Variants in ASTN2 observed in about 807,000 individuals in gnomAD.
The protein encoded by ASTN2 is astrotactin-2.
Under a neutral mutation model 139.8 loss-of-function variants are expected in ASTN2, and 54 were observed. That is an observed-to-expected ratio of 0.39 (90% CI 0.31 to 0.48). The LOEUF is 0.48. ASTN2 is among the 20% of genes least tolerant of loss of function. The pLI is 0.95. For missense variants in ASTN2, 1,565 were observed against 1,725.1 expected (o/e 0.91, Z 1.64); for synonymous variants, 756 against 719.5 (o/e 1.05, Z -0.81).
chr9:116,787,772 C>T (rs10817934), intron 13 of ASTN2, among the ~76,000 whole-genome samples: 34,005 of 152,038 alleles, frequency 0.22, 4,544 homozygotes, highest in Middle Eastern at 0.37. Context: ...TGTCTGTATG[C>T]TGAATGGGCT....
chr9:116,439,508 A>C lies in ASTN2; in HGVS notation c.3782+1101T>G, dbSNP rs189696743. Among the ~76,000 whole-genome samples the C allele has an allele frequency of 1.7e-3, 255 of 152,230 alleles. 12 individuals carry two copies. Among genetic ancestry groups the C allele is most frequent in the African/African-American group, 5.3e-3 (221 of 41,512 alleles). ...AGCCACCGCGCCCGGCCTCAAATACATTTTTAATAAGAAGTGAATATAAGA... is the reference window on the plus strand; with the variant it reads ...AGCCACCGCGCCCGGCCTCAAATACCTTTTTAATAAGAAGTGAATATAAGA... On this transcript the variant is annotated intron_variant, in intron 22 of 22. Transcript: ENST00000313400.
chr9:116,652,665 G>A (rs536199293), intron 16 of ASTN2, among the ~76,000 whole-genome samples: 150 of 152,208 alleles, frequency 9.9e-4, no homozygotes, highest in African/African-American at 3.5e-3. Flanking sequence ...TCTGAGAAAT[G>A]GGGTTAATAA....
intron 1 of ASTN2, among the ~76,000 whole-genome samples, chr9:117,379,506 CT>C (rs1258216292): frequency 2.0e-5 from 3 of 152,172 alleles, no homozygotes; most frequent in African/African-American, 7.2e-5. Flanking sequence ...ACCCTTAATC[CT>C]TCCAGTTAAG....
chr9:116,509,095 G>A (rs887984856), intron 19 of ASTN2, among the ~76,000 whole-genome samples: 21 of 152,052 alleles, frequency 1.4e-4, no homozygotes, highest in Non-Finnish European at 2.9e-4. Flanking sequence ...TGCCATGTTG[G>A]TGTGCTGCAC....
intron 16 of ASTN2, among the ~76,000 whole-genome samples, chr9:116,667,398 A>T (rs181487617): frequency 6.2e-4 from 94 of 152,354 alleles, no homozygotes; most frequent in African/African-American, 2.2e-3. Context: ...TGGGATATTT[A>T]CAGAAGGAAT....
rs972581851 is a variant in ASTN2 at position 116,668,723 on chromosome 9, T to C, written c.2807-16930A>G. Reference sequence around the variant, plus strand: ...TGTGTGGATATATGTTTTCAACTCCTTTGGACAAATACCAAGGAGCACAAT... The same window carrying C: ...TGTGTGGATATATGTTTTCAACTCCCTTGGACAAATACCAAGGAGCACAAT... On this transcript the variant is annotated intron_variant, in intron 16 of 22. Coordinates refer to ENST00000313400, the MANE Select transcript of ASTN2 (RefSeq NM_001365068.1). 3.3e-5 allele frequency among the ~76,000 whole-genome samples: 5 copies of C among 152,264 alleles called. 1 individual carries two copies. The highest frequency in any genetic ancestry group is 1.3e-4 in the Admixed American group (2 of 15,288).
Position 116,753,789 on chromosome 9 carries a change from CT to C in ASTN2, c.2397-20267del, listed in dbSNP as rs1295061529. Among the ~76,000 whole-genome samples the C allele has an allele frequency of 5.3e-4, 76 of 142,752 alleles. 3 individuals carry two copies. The highest frequency in any genetic ancestry group is 3.5e-3 in the Middle Eastern group (1 of 288). The allele number at this position is 142,752 out of a possible 152,430, so 93.7% of individuals were successfully genotyped here. Reference sequence around the variant, plus strand: ...CATCTCTAGGCAATCTGATGTCCACCTTTTTTTTTTATTATTATACTTTAAG... The same window carrying C: ...CATCTCTAGGCAATCTGATGTCCACCTTTTTTTTTATTATTATACTTTAAG... On this transcript the variant is annotated intron_variant, in intron 13 of 22. Coordinates refer to ENST00000313400, the MANE Select transcript of ASTN2 (RefSeq NM_001365068.1).
chr9:116,910,597 G>A (rs1834284171), intron 10 of ASTN2, among the ~76,000 whole-genome samples: 1 of 152,176 alleles, frequency 6.6e-6, no homozygotes, highest in Non-Finnish European at 1.5e-5. Flanking sequence ...GGAAGTGGAG[G>A]ATCCTGAAGC....
At chr9:117,382,807 A>C (rs1326116157) in intron 1 of ASTN2, among the ~76,000 whole-genome samples, 1 of 152,176 alleles carries the variant, frequency 6.6e-6, no homozygotes, top group East Asian at 1.9e-4. Flanking sequence ...CTGCTGTACG[A>C]GTTCAAAGGA....
rs1243406468 is a variant in ASTN2, at chr9:116,726,550, A to T, written c.2627-600T>A. 2.5e-4 allele frequency among the ~76,000 whole-genome samples: 38 copies of T among 152,198 alleles called. 1 individual carries two copies. The highest frequency in any genetic ancestry group is 1.5e-5 in the Non-Finnish European group (1 of 68,028). On this transcript the variant is annotated intron_variant, in intron 15 of 22. Coordinates refer to ENST00000313400, the MANE Select transcript of ASTN2 (RefSeq NM_001365068.1). The stretch of plus-strand genomic sequence containing the variant: ...TGGAATCCTAAGGCTGCATTTGCCC[A>T]GAGTCAGCATGTATTCTGAGTCCAT...
chr9:117,131,172 A>G (rs1829818759), intron 4 of ASTN2, among the ~76,000 whole-genome samples: 6 of 152,212 alleles, frequency 3.9e-5, no homozygotes, highest in Admixed American at 3.9e-4. Context: ...AGCCTGCCCA[A>G]CACACTGAAT....
chr9:117,232,672 G>A (rs905525345), intron 2 of ASTN2, among the ~76,000 whole-genome samples: 24 of 151,980 alleles, frequency 1.6e-4, no homozygotes, highest in Admixed American at 1.5e-3. Context: ...GAAAATATGG[G>A]GCTTCCACAA....
intron 13 of ASTN2, among the ~76,000 whole-genome samples, chr9:116,767,099 C>T (rs561225423): frequency 6.6e-6 from 1 of 152,246 alleles, no homozygotes; most frequent in East Asian, 1.9e-4. Flanking sequence ...TTCATGCTCA[C>T]ATACAGTTAT....
intron 16 of ASTN2, among the ~76,000 whole-genome samples, chr9:116,653,240 A>G (rs893225827): frequency 6.6e-6 from 1 of 152,202 alleles, no homozygotes; most frequent in Non-Finnish European, 1.5e-5. Context: ...AGAGACTTCA[A>G]AACTCTTCTG....
intron 4 of ASTN2, among the ~76,000 whole-genome samples, chr9:117,105,768 G>T (rs1452096772): frequency 6.6e-6 from 1 of 152,188 alleles, no homozygotes; most frequent in Non-Finnish European, 1.5e-5. Flanking sequence ...TCCTAGGTCT[G>T]TCCTGTTCCT....
chr9:117,182,436 G>C (rs138300133), intron 3 of ASTN2, among the ~76,000 whole-genome samples: 187 of 152,076 alleles, frequency 1.2e-3, no homozygotes, highest in Non-Finnish European at 2.0e-3. Flanking sequence ...CTCACACCAA[G>C]GATGACCCAG....
intron 17 of ASTN2, among the ~76,000 whole-genome samples, chr9:116,622,489 T>C (rs115553329): frequency 6.6e-6 from 1 of 152,220 alleles, no homozygotes; most frequent in Non-Finnish European, 1.5e-5. Context: ...ATCATCACAA[T>C]AGTCCTGAGA....
At chr9:116,537,652 G>A (rs1055451217) in intron 19 of ASTN2, among the ~76,000 whole-genome samples, 3 of 152,170 alleles carry the variant, frequency 2.0e-5, no homozygotes, top group African/African-American at 7.2e-5. Context: ...TTTTATGTAT[G>A]ATCCAGGATT....
chr9:116,686,572 C>T, intron 16 of ASTN2: 1 of 986,958 alleles, frequency 1.0e-6, no homozygotes, highest in South Asian at 1.5e-5. Flanking sequence ...TGTATCAGAC[C>T]TCGTCCTTGC....
Sources: allele counts gnomAD v4.1 joint callset (sites outside exome capture counted in the v4.1 genomes callset), GRCh38; gene constraint gnomAD v4.1.1; transcripts MANE v1.5; gene names NCBI Gene and HGNC (gene_info 2026-07-23, HGNC 2026-07-21).